Variants in NEK1 observed in about 807,000 individuals in gnomAD.
The protein encoded by NEK1 is serine/threonine-protein kinase Nek1.
NEK1 carries 137 observed loss-of-function variants against 182.1 expected under a neutral mutation model. The ratio of observed to expected loss-of-function variants is 0.75; its 90% CI spans 0.65 to 0.87. The LOEUF is 0.87. NEK1 is among the 40% of genes least tolerant of loss of function. The probability of loss-of-function intolerance (pLI) is 0.00; values close to 1 mark genes in which losing one functional copy is unlikely to be tolerated. For missense variants in NEK1, 1,391 were observed against 1,494.4 expected (o/e 0.93, Z 1.14); for synonymous variants, 513 against 492.2 (o/e 1.04, Z -0.56).
At chr4:169,418,993 C>G (rs911918471) in intron 31 of NEK1, among the ~76,000 whole-genome samples, 4 of 152,126 alleles carry the variant, frequency 2.6e-5, no homozygotes, top group Admixed American at 6.5e-5. Context: ...CTCTCACCAC[C>G]TAATGGCATT....
In NEK1 at chr4:169,537,793, C is replaced by G. The variant is rs1758745990; in HGVS notation, c.1665+16G>C. 1 of 1,597,104 alleles carries G rather than the reference C, an allele frequency of 6.3e-7. No individual in the cohort carries two copies. The highest frequency in any genetic ancestry group is 1.7e-4 in the Middle Eastern group (1 of 6,012). On this transcript the variant is annotated intron_variant, in intron 19 of 35. Transcript: ENST00000507142. ...ACTAATACATTCAAAATCTCAGAAA[C>G]AAACAAAATTCATACCATATGTCCT...
intron 2 of NEK1, among the ~76,000 whole-genome samples, chr4:169,608,878 G>A (rs747980522): frequency 3.3e-5 from 5 of 151,958 alleles, no homozygotes; most frequent in Non-Finnish European, 5.9e-5. Flanking sequence ...GACCAACATG[G>A]TAAGACCACT....
chr4:169,448,047 CA>C (rs1252358990), intron 27 of NEK1, among the ~76,000 whole-genome samples: 10 of 145,822 alleles, frequency 6.9e-5, no homozygotes, highest in South Asian at 4.4e-4. Context: ...CCTTTCTCTA[CA>C]AAAAAAAAAT....
At chr4:169,593,740 G>T (rs1768937579) in intron 5 of NEK1, among the ~76,000 whole-genome samples, 1 of 152,168 alleles carries the variant, frequency 6.6e-6, no homozygotes, top group African/African-American at 2.4e-5. Flanking sequence ...TGTAATCCCA[G>T]CACTTTGGGA....
chr4:169,463,740 A>G (rs917126952), intron 26 of NEK1, among the ~76,000 whole-genome samples: 1 of 152,142 alleles, frequency 6.6e-6, no homozygotes, highest in African/African-American at 2.4e-5. Context: ...AGACTTTGAA[A>G]TATGTGCATA....
At chr4:169,571,884 A>G (rs1764916835) in intron 12 of NEK1, among the ~76,000 whole-genome samples, 1 of 133,630 alleles carries the variant, frequency 7.5e-6, no homozygotes, top group Admixed American at 8.4e-5. Context: ...ACACACCACC[A>G]TGCCCAGCTA....
At chr4:169,564,852 A>G (rs1763433395) in intron 12 of NEK1, among the ~76,000 whole-genome samples, 1 of 152,150 alleles carries the variant, frequency 6.6e-6, no homozygotes, top group African/African-American at 2.4e-5. Flanking sequence ...GTGCTTTGGC[A>G]TTTTAATTAA....
chr4:169,587,761 G>A (rs1330694306), intron 8 of NEK1, 148 bp from the exon 9 acceptor site: 2 of 456,400 alleles, frequency 4.4e-6, no homozygotes, highest in African/African-American at 4.1e-5. Flanking sequence ...ATAATCAAAT[G>A]ACAAAAGTAG....
chr4:169,436,796 G>C (rs1353520086), intron 28 of NEK1, among the ~76,000 whole-genome samples: 5 of 152,192 alleles, frequency 3.3e-5, no homozygotes, highest in African/African-American at 4.8e-5. Context: ...AAGATTTAAA[G>C]GCATGTCTTG....
At chr4:169,589,540 C>G (rs914045250) in intron 6 of NEK1, 26 bp from the exon 7 acceptor site, 1 of 1,252,532 alleles carries the variant, frequency 8.0e-7, no homozygotes, top group African/African-American at 1.5e-5. Flanking sequence ...AAAAAAAAAA[C>G]CCTAGAAATA....
At chr4:169,537,966 G>A in intron 18 of NEK1, 55 bp from the exon 19 acceptor site, 1 of 1,259,806 alleles carries the variant, frequency 7.9e-7, no homozygotes. Flanking sequence ...ATTCTAAAAA[G>A]TTAAAAATTA....
chr4:169,425,690 A>G (rs1579504596), intron 30 of NEK1, among the ~76,000 whole-genome samples: 1 of 151,936 alleles, frequency 6.6e-6, no homozygotes, highest in East Asian at 1.9e-4. Context: ...CTAATTTAAA[A>G]AATTTTTTGT....
chr4:169,533,189 G>A (rs995108470), intron 19 of NEK1, among the ~76,000 whole-genome samples: 6 of 152,166 alleles, frequency 3.9e-5, no homozygotes, highest in Admixed American at 3.3e-4. Context: ...TTAACATAAA[G>A]AGATTATCTG....
Position 169,588,660 on chromosome 4 carries a change from G to A in NEK1, c.540C>T (p.Tyr180=). The A allele has an allele frequency of 2.6e-6, 4 of 1,539,690 alleles. No homozygotes were observed. Among genetic ancestry groups the A allele is most frequent in the Non-Finnish European group, 3.5e-6 (4 of 1,136,888 alleles). The change falls in exon 8 of 36, where the codon TAC becomes TAT. Residue 180 remains tyrosine (Y), a synonymous_variant. Coordinates refer to ENST00000507142, the MANE Select transcript of NEK1 (RefSeq NM_001199397.3). ...ATCATTTTAAATACCTTTTATTATT[G>A]TAAGGTTTGTTTTCACAGATTTCAG... ...LSPEICENKP[Y]NNKSDIWALG... is the part of the protein sequence containing the mutation.
Position 169,507,188 on chromosome 4 carries a change from T to TG in NEK1, c.1912-57_1912-56insC. On this transcript the variant is annotated intron_variant, in intron 22 of 35. Transcript: ENST00000507142. ...TACCAGAAAGAAGGGCAGAGGTTTT[T>TG]TTTTTTTTTTTTGGGCCAGGTCTAT... The TG allele has an allele frequency of 8.2e-6, 8 of 973,704 alleles. No homozygotes were observed. The East Asian group carries it at 1.4e-4, about 17-fold the overall frequency. 60.3% of individuals were successfully genotyped at this position (973,704 alleles called of 1,614,324 possible).
intron 31 of NEK1, among the ~76,000 whole-genome samples, chr4:169,416,646 G>A (rs745923250): frequency 6.6e-6 from 1 of 152,216 alleles, no homozygotes; most frequent in Non-Finnish European, 1.5e-5. Flanking sequence ...GCTCACGCCT[G>A]TAATTCCAGC....
At position 169,561,755 on chromosome 4, in the gene NEK1, AC is replaced by A. The variant is rs773179397; in HGVS notation, c.1141-19del. The A allele has an allele frequency of 4.3e-5, 68 of 1,589,376 alleles. No individual in the cohort carries two copies. The Admixed American group carries it at 5.2e-4, about 12-fold the overall frequency. On this transcript the variant is annotated intron_variant, in intron 14 of 35. Coordinates refer to ENST00000507142, the MANE Select transcript of NEK1 (RefSeq NM_001199397.3). ...CTAATAATCTGTAACAATTTTAAAG[AC>A]AAGCTTCTTACAACTCTTGAACCTA... is the stretch of plus-strand genomic sequence containing the variant.
chr4:169,408,080 T>A (rs975941776), intron 31 of NEK1, among the ~76,000 whole-genome samples: 3 of 152,242 alleles, frequency 2.0e-5, no homozygotes, highest in Admixed American at 2.0e-4. Flanking sequence ...ACTAGCAATA[T>A]GTACCAGAAA....
intron 12 of NEK1, among the ~76,000 whole-genome samples, chr4:169,563,512 T>G (rs1418923322): frequency 6.6e-6 from 1 of 152,188 alleles, no homozygotes; most frequent in Non-Finnish European, 1.5e-5. Flanking sequence ...ACCACGATTT[T>G]CTAGGTAGGT....
Sources: allele counts gnomAD v4.1 joint callset (sites outside exome capture counted in the v4.1 genomes callset), GRCh38; gene constraint gnomAD v4.1.1; transcripts MANE v1.5; gene names NCBI Gene and HGNC (gene_info 2026-07-23, HGNC 2026-07-21).